Variants in ANK2 observed in about 807,000 individuals in gnomAD.
The protein encoded by ANK2 is ankyrin-2.
In ANK2, 83 loss-of-function variants were observed where a neutral mutation model predicts 360.5. The ratio of observed to expected loss-of-function variants is 0.23; its 90% confidence interval spans 0.19 to 0.28. ANK2 has a LOEUF of 0.28. ANK2 is among the 10% of genes least tolerant of loss of function. The pLI is 1.00. For missense variants in ANK2, 4,201 were observed against 4,795.7 expected (o/e 0.88, Z 3.66); for synonymous variants, 1,740 against 1,759.5 (o/e 0.99, Z 0.28).
At chr4:113,193,257 C>T (rs1331625011) in intron 2 of ANK2, among the ~76,000 whole-genome samples, 1 of 152,168 alleles carries the variant, frequency 6.6e-6, no homozygotes, top group Non-Finnish European at 1.5e-5. Context: ...AACAGATATA[C>T]TCTTGGATCA....
At chr4:113,072,300 T>G (rs565335781) in intron 1 of ANK2, among the ~76,000 whole-genome samples, 7 of 152,318 alleles carry the variant, frequency 4.6e-5, no homozygotes, top group Admixed American at 4.6e-4. Context: ...AATTTTTATG[T>G]CCTCAAGCCA....
chr4:113,378,009 T>G lies in ANK2; in HGVS notation c.11860-3448T>G, dbSNP rs867603492. 6.2e-5 allele frequency: 35 copies of G among 566,846 alleles called. No homozygotes were observed. The Middle Eastern group carries it at 2.9e-3, about 47-fold the overall frequency. The allele number at this position is 566,846 out of a possible 1,614,324, so 35.1% of individuals were successfully genotyped here. Reference sequence around the variant, plus strand: ...TTCAAGTATATCTTTTCATACTGACTATGAGTAAAGCAAAGCAATAGATTG... The same window carrying G: ...TTCAAGTATATCTTTTCATACTGACGATGAGTAAAGCAAAGCAATAGATTG... On this transcript the variant is annotated intron_variant, in intron 45 of 45. Coordinates refer to ENST00000357077, the MANE Select transcript of ANK2 (RefSeq NM_001148.6).
At chr4:112,776,074 A>T in the ANK2 span, among the ~76,000 whole-genome samples, 3 of 152,098 alleles carry the variant, frequency 2.0e-5, no homozygotes, top group Non-Finnish European at 4.4e-5. Flanking sequence ...GAGAGAAGAG[A>T]ACTAAGGGTA....
At chr4:113,052,747 C>T (rs962728331) in intron 1 of ANK2, among the ~76,000 whole-genome samples, 4 of 152,170 alleles carry the variant, frequency 2.6e-5, no homozygotes, top group African/African-American at 4.8e-5. Flanking sequence ...GACTCATTGC[C>T]GCGAGGAGGA....
chr4:112,917,557 A>T (rs1422820130), intron 2 of ANK2, among the ~76,000 whole-genome samples: 1 of 152,268 alleles, frequency 6.6e-6, no homozygotes, highest in East Asian at 1.9e-4. Flanking sequence ...AAAGAGAAAG[A>T]AGTGGCAGTG....
Position 113,355,847 on chromosome 4 carries a change from A to G in ANK2, c.7229A>G (p.Glu2410Gly). The G allele has an allele frequency of 6.2e-7, 1 of 1,614,108 alleles. No homozygotes were observed. Among genetic ancestry groups the G allele is most frequent in the South Asian group, 1.1e-5 (1 of 91,082 alleles). ...GTCATTAGAAGTCCCCAAGGGTTAG[A>G]ACTTGCACTCCCTAGCCGAGATAGC... ...QGVIRSPQGL[E>G]LALPSRDSEV... Residue 2410 changes from glutamate (E) to glycine (G), a missense_variant, in exon 38 of 46, where the codon GAA (glutamate) becomes GGA (glycine). Physicochemically the swap from Glu to Gly is moderately conservative, Grantham distance 98 (BLOSUM62 -2). Transcript: ENST00000357077.
chr4:113,115,289 G>A (rs1054138406), intron 1 of ANK2, among the ~76,000 whole-genome samples: 2 of 152,232 alleles, frequency 1.3e-5, no homozygotes, highest in African/African-American at 2.4e-5. Flanking sequence ...AGACAAGGGA[G>A]TTTGAAGGGC....
At chr4:112,822,173 C>T (rs1199549001) in intron 1 of ANK2, among the ~76,000 whole-genome samples, 11 of 146,436 alleles carry the variant, frequency 7.5e-5, no homozygotes, top group Non-Finnish European at 1.5e-4. Flanking sequence ...GAAGCCAAGG[C>T]GAGAGGATCA....
intron 1 of ANK2, among the ~76,000 whole-genome samples, chr4:113,135,521 C>CTGTGTGTGTGTG (rs72311638): frequency 2.0e-4 from 29 of 148,134 alleles, no homozygotes; most frequent in East Asian, 1.4e-3. Context: ...GTGTGTGTCT[C>CTGTGTGTGTGTG]TCTGTGTGTG....
intron 1 of ANK2, among the ~76,000 whole-genome samples, chr4:113,134,848 A>C (rs1452618905): frequency 2.6e-5 from 4 of 152,276 alleles, no homozygotes; most frequent in Non-Finnish European, 5.9e-5. Context: ...TTTGCCATGT[A>C]GTTTAAGTTA....
Position 113,353,945 on chromosome 4 carries a change from G to A in ANK2, c.5327G>A (p.Arg1776Gln), listed in dbSNP as rs150207892. Reference protein sequence around the residue: ...IKDKVKALQKRVEDEQKGRSK... With the variant: ...IKDKVKALQKQVEDEQKGRSK... Reference sequence around the variant, plus strand: ...GACAAAGTAAAGGCCCTTCAGAAGCGAGTGGAAGATGAACAGAAAGGTCGA... The same window carrying A: ...GACAAAGTAAAGGCCCTTCAGAAGCAAGTGGAAGATGAACAGAAAGGTCGA... Residue 1776 changes from arginine (R) to glutamine (Q), a missense_variant, in exon 38 of 46, where the codon CGA becomes CAA. Arg to Gln is a conservative substitution (Grantham distance 43). Around this residue, in one of 4 missense-constraint regions of ANK2, gnomAD observed 2,642 missense variants for 2,714.5 expected, o/e 0.97. Transcript: ENST00000357077. The A allele has an allele frequency of 5.6e-6, 9 of 1,613,898 alleles. 1 individual carries two copies. Among genetic ancestry groups the A allele is most frequent in the East Asian group, 2.2e-5 (1 of 44,900 alleles).
chr4:112,877,582 ATT>A (rs1358914416), intron 1 of ANK2, among the ~76,000 whole-genome samples: 1 of 152,184 alleles, frequency 6.6e-6, no homozygotes, highest in African/African-American at 2.4e-5. Context: ...AGGATACAGA[ATT>A]TTCAGAGCCC....
the ANK2 span, among the ~76,000 whole-genome samples, chr4:112,784,665 G>A: frequency 6.6e-6 from 1 of 152,044 alleles, no homozygotes; most frequent in East Asian, 1.9e-4. Context: ...AAACTCTTGG[G>A]CACAAGCAAT....
chr4:112,770,389 C>T, the ANK2 span, among the ~76,000 whole-genome samples: 1 of 152,298 alleles, frequency 6.6e-6, no homozygotes, highest in South Asian at 2.1e-4. Context: ...ACTACCTTTA[C>T]ATTTCATTAG....
intron 2 of ANK2, among the ~76,000 whole-genome samples, chr4:113,019,618 T>C (rs2057534895): frequency 6.6e-6 from 1 of 152,152 alleles, no homozygotes; most frequent in Non-Finnish European, 1.5e-5. Context: ...AACAATCATT[T>C]TGAGACATTA....
intron 15 of ANK2, 84 bp from the exon 16 acceptor site, chr4:113,277,753 T>G (rs2060750870): frequency 1.9e-6 from 2 of 1,071,148 alleles, no homozygotes; most frequent in East Asian, 2.4e-5. Flanking sequence ...CAGTATACTT[T>G]GCTCAATATG....
chr4:113,263,331 A>G (rs1420946835), intron 13 of ANK2, among the ~76,000 whole-genome samples: 1 of 152,164 alleles, frequency 6.6e-6, no homozygotes, highest in Non-Finnish European at 1.5e-5. Flanking sequence ...GAAGATAAAT[A>G]TTAGCATTCC....
the ANK2 span, among the ~76,000 whole-genome samples, chr4:112,744,128 G>T: frequency 2.0e-5 from 3 of 151,836 alleles, no homozygotes. Flanking sequence ...GGACATTTTG[G>T]CTATTACTTT....
At chr4:112,865,024 TCCATCTCAAAAAAAAAAAAAAAAAAAAA>T (rs2069835217) in intron 1 of ANK2, among the ~76,000 whole-genome samples, 1 of 87,372 alleles carries the variant, frequency 1.1e-5, no homozygotes, top group South Asian at 4.9e-4. Flanking sequence ...AGAGCGAGAC[TCCATCTCAAAAAAAAAAAAAAAAAAAAA>T]AAAAAAAAAA....
Sources: allele counts gnomAD v4.1 joint callset (sites outside exome capture counted in the v4.1 genomes callset), GRCh38; gene constraint gnomAD v4.1.1; regional missense constraint gnomAD v4.1.1; transcripts MANE v1.5; gene names NCBI Gene and HGNC (gene_info 2026-07-23, HGNC 2026-07-21).